NHSL1: variants seen among roughly 807,000 people sequenced by gnomAD.
The protein encoded by NHSL1 is NHS-like protein 1.
Under a neutral mutation model 95.0 loss-of-function variants are expected in NHSL1, and 48 were observed. That is an observed-to-expected ratio of 0.51 (90% CI 0.40 to 0.64). The LOEUF (loss-of-function observed/expected upper bound fraction) is 0.64. NHSL1 is among the 30% of genes least tolerant of loss of function. The pLI, the probability that NHSL1 is intolerant of heterozygous loss-of-function variation, is 0.00. For missense variants in NHSL1, 1,971 were observed against 2,077.7 expected (o/e 0.95, Z 1.00); for synonymous variants, 783 against 833.9 (o/e 0.94, Z 1.05).
chr6:138,641,612 G>A (rs1784960158), intron 1 of NHSL1, among the ~76,000 whole-genome samples: 2 of 126,674 alleles, frequency 1.6e-5, no homozygotes, highest in Admixed American at 9.0e-5. Flanking sequence ...GACAGAGTGA[G>A]ACTCCGTCTC....
chr6:138,688,924 A>G (rs1785622934), intron 1 of NHSL1, among the ~76,000 whole-genome samples: 1 of 152,204 alleles, frequency 6.6e-6, no homozygotes, highest in Non-Finnish European at 1.5e-5. Flanking sequence ...GATCACTTAC[A>G]TTGGTAGCAG....
chr6:138,470,131 G>A (rs1212534449), intron 3 of NHSL1, among the ~76,000 whole-genome samples: 1 of 152,054 alleles, frequency 6.6e-6, no homozygotes, highest in African/African-American at 2.4e-5. Flanking sequence ...ATTGCCTTGA[G>A]ATGACATTCA....
chr6:138,462,187 G>GTAGA (rs369486026), intron 3 of NHSL1, among the ~76,000 whole-genome samples: 3 of 152,340 alleles, frequency 2.0e-5, no homozygotes, highest in African/African-American at 7.2e-5. Flanking sequence ...TTTATAAAGA[G>GTAGA]TAGAGGTTTA....
At chr6:138,468,864 T>C (rs1250912216) in intron 3 of NHSL1, among the ~76,000 whole-genome samples, 2 of 152,236 alleles carry the variant, frequency 1.3e-5, no homozygotes, top group Non-Finnish European at 1.5e-5. Context: ...TTGCTCTTAG[T>C]GCCTCCCCGT....
intron 3 of NHSL1, among the ~76,000 whole-genome samples, chr6:138,464,708 T>TC (rs1444613440): frequency 7.2e-6 from 1 of 139,330 alleles, no homozygotes; most frequent in African/African-American, 2.9e-5. Context: ...ACTTTTTTTT[T>TC]TCTTTTCTTT....
At chr6:138,659,355 T>A (rs1785196828) in intron 1 of NHSL1, among the ~76,000 whole-genome samples, 1 of 152,152 alleles carries the variant, frequency 6.6e-6, no homozygotes, top group African/African-American at 2.4e-5. Flanking sequence ...CAGCCTAGAC[T>A]GTAATTCTTA....
rs1775034620 is a variant in NHSL1, at chr6:138,423,391, G to C, written c.*690C>G. 2 of 152,166 alleles carry C rather than the reference G, an allele frequency of 1.3e-5. No individual in the cohort carries two copies. The highest frequency in any genetic ancestry group is 2.9e-5 in the Non-Finnish European group (2 of 68,032). The allele number at this position is 152,166 out of a possible 1,614,324, so 9.4% of individuals were successfully genotyped here. A position where few individuals can be genotyped will look rare whatever the true frequency, so the allele number is the denominator to read the frequency against. ...GTGGCTGCACAGCAGCAGGCACCAGGTTACAGCATTGCCACTTCTACGTTT... is the reference window on the plus strand; with the variant it reads ...GTGGCTGCACAGCAGCAGGCACCAGCTTACAGCATTGCCACTTCTACGTTT... On this transcript the variant is annotated 3_prime_UTR_variant, in exon 8 of 8. Coordinates refer to ENST00000343505, the MANE Select transcript of NHSL1 (RefSeq NM_001144060.2).
chr6:138,605,185 G>C (rs994375977), intron 1 of NHSL1, among the ~76,000 whole-genome samples: 14 of 152,048 alleles, frequency 9.2e-5, no homozygotes, highest in African/African-American at 3.1e-4. Context: ...CAACGGACCT[G>C]ACTTGGATTT....
At chr6:138,596,936 G>GTTAA (rs889142739) in intron 1 of NHSL1, among the ~76,000 whole-genome samples, 1 of 152,058 alleles carries the variant, frequency 6.6e-6, no homozygotes, top group Non-Finnish European at 1.5e-5. Flanking sequence ...GCAATCAGAA[G>GTTAA]TTAAGACCTA....
chr6:138,444,500 A>G (rs1464165684), intron 4 of NHSL1, among the ~76,000 whole-genome samples: 2 of 152,082 alleles, frequency 1.3e-5, no homozygotes, highest in East Asian at 1.9e-4. Context: ...GATTAAATCA[A>G]TTTTCAAGCC....
intron 1 of NHSL1, 144 bp from the exon 2 acceptor site, chr6:138,496,515 T>C: frequency 1.3e-6 from 1 of 779,414 alleles, no homozygotes; most frequent in Non-Finnish European, 2.1e-6. Flanking sequence ...TTAGTTTTAA[T>C]CTTAGATTCC....
chr6:138,508,956 G>A (rs544027415), intron 1 of NHSL1, among the ~76,000 whole-genome samples: 7 of 152,102 alleles, frequency 4.6e-5, no homozygotes, highest in Non-Finnish European at 8.8e-5. Flanking sequence ...CAAATTCATC[G>A]AATTCATTCT....
chr6:138,433,451 A>G lies in NHSL1; in HGVS notation c.894T>C (p.Ser298=). 1.3e-6 allele frequency: 2 copies of G among 1,552,326 alleles called. No homozygotes were observed. Among genetic ancestry groups the G allele is most frequent in the Non-Finnish European group, 1.7e-6 (2 of 1,147,128 alleles). ...AAQMGHFSGS[S]GNMSVLSDSA... is the part of the protein sequence containing the mutation. ...AATCGCTCAGCACAGACATGTTGCC[A>G]GAGGAACCTGAGAAGTGGCCCATCT... The change falls in exon 6 of 8, where the codon TCT becomes TCC. Residue 298 remains serine (S), a synonymous_variant. Coordinates refer to ENST00000343505, the MANE Select transcript of NHSL1 (RefSeq NM_001144060.2).
At position 138,423,087 on chromosome 6, in the gene NHSL1, C is replaced by A; in HGVS notation, c.*994G>T. ...GGAAATTGCCTAATGGAAGTTTAAACTCTGGTTAAAAAAAAAAAAAAAAAA... is the reference window on the plus strand; with the variant it reads ...GGAAATTGCCTAATGGAAGTTTAAAATCTGGTTAAAAAAAAAAAAAAAAAA... On this transcript the variant is annotated 3_prime_UTR_variant, in exon 8 of 8. Coordinates refer to ENST00000343505, the MANE Select transcript of NHSL1 (RefSeq NM_001144060.2). 3 of 102,936 alleles carry A rather than the reference C, an allele frequency of 2.9e-5. No individual in the cohort carries two copies. The highest frequency in any genetic ancestry group is 1.1e-4 in the African/African-American group (3 of 27,706). 6.4% of individuals were successfully genotyped at this position (102,936 alleles called of 1,614,324 possible).
chr6:138,683,953 G>A (rs182319922), intron 1 of NHSL1, among the ~76,000 whole-genome samples: 1 of 152,348 alleles, frequency 6.6e-6, no homozygotes, highest in African/African-American at 2.4e-5. Flanking sequence ...GCTCATGCCT[G>A]TAATCCTAGC....
intron 1 of NHSL1, among the ~76,000 whole-genome samples, chr6:138,593,158 G>A (rs1358245501): frequency 5.9e-5 from 9 of 152,214 alleles, no homozygotes; most frequent in Non-Finnish European, 2.9e-5. Context: ...AAGGATCCGA[G>A]TGACAAATAA....
chr6:138,438,484 C>T (rs1415513114), intron 5 of NHSL1, among the ~76,000 whole-genome samples: 1 of 152,076 alleles, frequency 6.6e-6, no homozygotes. Flanking sequence ...TTGTAGTGGT[C>T]TGGAACTATA....
At chr6:138,526,292 G>A (rs978167813) in intron 1 of NHSL1, among the ~76,000 whole-genome samples, 3 of 152,048 alleles carry the variant, frequency 2.0e-5, no homozygotes, top group African/African-American at 4.8e-5. Flanking sequence ...GAGCCAGCCT[G>A]GGCAACATGG....
chr6:138,496,167 T>C, intron 2 of NHSL1, 52 bp downstream of exon 2: 1 of 1,533,396 alleles, frequency 6.5e-7, no homozygotes, highest in Non-Finnish European at 8.8e-7. Context: ...AAATTTATGC[T>C]CTCAGCAGCC....
Sources: allele counts gnomAD v4.1 joint callset (sites outside exome capture counted in the v4.1 genomes callset), GRCh38; gene constraint gnomAD v4.1.1; transcripts MANE v1.5; gene names NCBI Gene and HGNC (gene_info 2026-07-23, HGNC 2026-07-21).